PEX14: variants seen among roughly 807,000 people sequenced by gnomAD.
The protein encoded by PEX14 is peroxisomal membrane protein PEX14.
A neutral mutation model predicts 49.5 loss-of-function variants in PEX14; 15 were observed. The ratio of observed to expected loss-of-function variants is 0.30; its 90% CI spans 0.20 to 0.47. The LOEUF is 0.47. Ranked by LOEUF, PEX14 falls within the 20% of genes least tolerant of loss-of-function variation. PEX14 has a pLI of 1.00. For missense variants in PEX14, 398 were observed against 494.8 expected (o/e 0.80, Z 1.86); for synonymous variants, 210 against 212.7 (o/e 0.99, Z 0.11).
intron 3 of PEX14, among the ~76,000 whole-genome samples, chr1:10,583,666 A>G (rs200499742): frequency 6.9e-5 from 2 of 29,186 alleles, no homozygotes; most frequent in African/African-American, 1.5e-4. Flanking sequence ...AAATATAAAC[A>G]TGAGTAAGAG....
chr1:10,539,624 G>C lies in PEX14; in HGVS notation c.169+3327G>C, dbSNP rs1035247958. On this transcript the variant is annotated intron_variant, in intron 3 of 8. Transcript: ENST00000356607. This position sits in a 1 kb window ranked among gnomAD's most constrained non-coding sequence, Gnocchi z 4.6. ...TATATATAGAAGCAGTTCTTGCCAG[G>C]CAGGCATCATATCTGGGGCTTTAAG... is the stretch of plus-strand genomic sequence containing the variant. Among the ~76,000 whole-genome samples, 1 of 152,170 alleles carries C rather than the reference G, an allele frequency of 6.6e-6. No individual in the cohort carries two copies. Among genetic ancestry groups the C allele is most frequent in the Non-Finnish European group, 1.5e-5 (1 of 68,052 alleles).
At chr1:10,611,564 A>AC (rs1422743686) in intron 4 of PEX14, among the ~76,000 whole-genome samples, 1 of 152,190 alleles carries the variant, frequency 6.6e-6, no homozygotes, top group Non-Finnish European at 1.5e-5. Flanking sequence ...AAACTGTCAA[A>AC]CTATTTCCCA....
intron 4 of PEX14, among the ~76,000 whole-genome samples, chr1:10,612,361 T>A (rs1157619223): frequency 6.6e-6 from 1 of 152,126 alleles, no homozygotes. Context: ...TCATATTTTT[T>A]AATCTATGGA....
rs1396036649 is a variant in PEX14, at chr1:10,597,217, C to G, written c.170-2021C>G. Among the ~76,000 whole-genome samples, 1 of 152,248 alleles carries G rather than the reference C, an allele frequency of 6.6e-6. No individual in the cohort carries two copies. The highest frequency in any genetic ancestry group is 2.4e-5 in the African/African-American group (1 of 41,470). ...AATTATCTTCATTTGCAGCCAGCGG[C>G]TGACAAGGCACACGAACCACCAGGT... is the stretch of plus-strand genomic sequence containing the variant. On this transcript the variant is annotated intron_variant, in intron 3 of 8. Transcript: ENST00000356607. The surrounding 1 kb of genome is among the most constrained non-coding windows in gnomAD (Gnocchi z 5.7).
chr1:10,545,307 T>C (rs1639136479), intron 3 of PEX14, among the ~76,000 whole-genome samples: 2 of 152,186 alleles, frequency 1.3e-5, no homozygotes, highest in South Asian at 4.1e-4. Context: ...TATTTATAAG[T>C]TTTTGTAGGG....
intron 5 of PEX14, among the ~76,000 whole-genome samples, chr1:10,619,779 T>C (rs1426742356): frequency 6.6e-6 from 1 of 152,200 alleles, no homozygotes; most frequent in Non-Finnish European, 1.5e-5. Context: ...GTGTAGCATG[T>C]ATTCCTGGAG....
In PEX14 at chr1:10,514,182, G is replaced by A. The variant is rs925333588; in HGVS notation, c.84+18861G>A. Among the ~76,000 whole-genome samples, 2 of 151,866 alleles carry A rather than the reference G, an allele frequency of 1.3e-5. No individual in the cohort carries two copies. Among genetic ancestry groups the A allele is most frequent in the Admixed American group, 1.3e-4 (2 of 15,254 alleles). ...TGTGTGTGTGTGTGTGTGTGTGTGT[G>A]TGTGTGTGTGTGTGTGTATGGTGTT... On this transcript the variant is annotated intron_variant, in intron 2 of 8. Transcript: ENST00000356607. The surrounding 1 kb of genome is among the most constrained non-coding windows in gnomAD (Gnocchi z 4.4).
At chr1:10,508,429 G>C (rs1170059558) in intron 2 of PEX14, among the ~76,000 whole-genome samples, 1 of 152,082 alleles carries the variant, frequency 6.6e-6, no homozygotes, top group Admixed American at 6.5e-5. Context: ...GGATGGTCTC[G>C]ATCTCCTGAC....
intron 3 of PEX14, among the ~76,000 whole-genome samples, chr1:10,553,836 C>T (rs1458525968): frequency 6.6e-6 from 1 of 152,134 alleles, no homozygotes; most frequent in Admixed American, 6.6e-5. Context: ...CTGCTTGTGA[C>T]AGTCAACCTG....
chr1:10,616,313 C>T (rs1570355765), intron 4 of PEX14, among the ~76,000 whole-genome samples: 1 of 152,302 alleles, frequency 6.6e-6, no homozygotes, highest in East Asian at 1.9e-4. Context: ...AACGGGCCTT[C>T]TCCTCCCCTG....
At chr1:10,560,040 T>C (rs1639606673) in intron 3 of PEX14, among the ~76,000 whole-genome samples, 1 of 152,058 alleles carries the variant, frequency 6.6e-6, no homozygotes, top group Non-Finnish European at 1.5e-5. Flanking sequence ...CTTTCTAATC[T>C]GATTTTTTTC....
chr1:10,503,302 A>G (rs1322037905), intron 2 of PEX14, among the ~76,000 whole-genome samples: 360 of 96,428 alleles, frequency 3.7e-3, no homozygotes, highest in African/African-American at 0.011. Context: ...AAAAAAAAAA[A>G]AAAAGAAAGA....
chr1:10,572,705 T>G (rs2124553029), intron 3 of PEX14, among the ~76,000 whole-genome samples: 1 of 151,728 alleles, frequency 6.6e-6, no homozygotes, highest in Non-Finnish European at 1.5e-5. Flanking sequence ...CCCAGCTAAT[T>G]TTTTGTATTT....
chr1:10,566,076 C>T (rs1389746286), intron 3 of PEX14, among the ~76,000 whole-genome samples: 1 of 152,264 alleles, frequency 6.6e-6, no homozygotes, highest in Non-Finnish European at 1.5e-5. Context: ...GTTCCCTTCT[C>T]ACTGAGATCT....
chr1:10,534,042 T>C (rs1396297450), intron 2 of PEX14, among the ~76,000 whole-genome samples: 1 of 152,152 alleles, frequency 6.6e-6, no homozygotes, highest in Non-Finnish European at 1.5e-5. Context: ...ATGGAAAATT[T>C]TGGAAGGATG....
chr1:10,620,410 C>T (rs142212203), intron 5 of PEX14, among the ~76,000 whole-genome samples: 73 of 152,162 alleles, frequency 4.8e-4, no homozygotes, highest in Middle Eastern at 6.8e-3. Flanking sequence ...ATCACTTGGG[C>T]TCGGGAGGTG....
intron 3 of PEX14, among the ~76,000 whole-genome samples, chr1:10,579,649 G>A (rs1640252844): frequency 6.6e-6 from 1 of 152,112 alleles, no homozygotes; most frequent in African/African-American, 2.4e-5. Flanking sequence ...GATGCCAGAC[G>A]GGGTGGATTA....
chr1:10,589,416 T>C (rs1406764013), intron 3 of PEX14, among the ~76,000 whole-genome samples: 1 of 152,150 alleles, frequency 6.6e-6, no homozygotes, highest in Non-Finnish European at 1.5e-5. Context: ...TCCCTCTCTC[T>C]CCCCTTCTGA....
chr1:10,559,205 T>C (rs1186915568), intron 3 of PEX14, among the ~76,000 whole-genome samples: 1 of 152,164 alleles, frequency 6.6e-6, no homozygotes, highest in African/African-American at 2.4e-5. Flanking sequence ...GGAGGTACAT[T>C]GGGAGGTACA....
Sources: gnomAD v4.1 joint callset for allele counts (sites outside exome capture counted in the v4.1 genomes callset) on GRCh38, gnomAD v4.1.1 for gene constraint, Gnocchi (gnomAD v3.1) non-coding constraint, MANE v1.5 for transcripts, NCBI Gene and HGNC (gene_info 2026-07-23, HGNC 2026-07-21) for gene names.